GON4L: variants seen among roughly 807,000 people sequenced by gnomAD.
GON4L encodes the protein gon-4 like.
GON4L carries 87 observed loss-of-function variants against 211.8 expected under a neutral mutation model. That is an observed-to-expected ratio of 0.41 (90% CI 0.35 to 0.49). The LOEUF (loss-of-function observed/expected upper bound fraction) is 0.49. GON4L is among the 20% of genes least tolerant of loss of function. The pLI is 0.15. For missense variants in GON4L, 2,155 were observed against 2,659.5 expected, an observed-to-expected ratio of 0.81 and a Z score of 4.17; for synonymous variants, 875 against 962.6, an observed-to-expected ratio of 0.91 and a Z score of 1.68.
chr1:155,788,722 A>C (rs1665203865), intron 12 of GON4L, among the ~76,000 whole-genome samples: 1 of 152,198 alleles, frequency 6.6e-6, no homozygotes, highest in African/African-American at 2.4e-5. Context: ...GAGTGAAAGA[A>C]GCCTTACACA....
rs779275201 is a variant in GON4L at position 155,773,048 on chromosome 1, C to G, written c.2495+18G>C. 1.9e-6 allele frequency: 3 copies of G among 1,611,702 alleles called. No individual in the cohort carries two copies. The highest frequency in any genetic ancestry group is 2.5e-6 in the Non-Finnish European group (3 of 1,179,668). ...TTGGGATGTTCTGCTGTTTTGATCC[C>G]CCAGAGTAAACACTTACTTGTCCTC... On this transcript the variant is annotated intron_variant, in intron 18 of 31. Coordinates refer to ENST00000368331, the MANE Select transcript of GON4L (RefSeq NM_001282860.2).
At chr1:155,758,201 T>C (rs1003003911) in intron 24 of GON4L, among the ~76,000 whole-genome samples, 167 bp from the exon 25 acceptor site, 2 of 151,366 alleles carry the variant, frequency 1.3e-5, no homozygotes, top group Non-Finnish European at 1.5e-5. Context: ...CTAACCTCCA[T>C]CCACCTTGGG....
intron 2 of GON4L, among the ~76,000 whole-genome samples, chr1:155,843,233 TG>T (rs1670942014): frequency 6.6e-6 from 1 of 152,176 alleles, no homozygotes; most frequent in Non-Finnish European, 1.5e-5. Context: ...CGCTGTGGAA[TG>T]GGAACAAAAC....
chr1:155,769,901 T>C (rs1356812069), intron 19 of GON4L, among the ~76,000 whole-genome samples: 1 of 151,716 alleles, frequency 6.6e-6, no homozygotes, highest in Non-Finnish European at 1.5e-5. Flanking sequence ...TTATGGTTAA[T>C]GGTTAATAAA....
chr1:155,824,184 A>G (rs1373873974), intron 3 of GON4L, among the ~76,000 whole-genome samples: 1 of 151,888 alleles, frequency 6.6e-6, no homozygotes, highest in African/African-American at 2.4e-5. Flanking sequence ...GCACTTTGGG[A>G]AGCCAAGGCG....
intron 28 of GON4L, 110 bp from the exon 29 acceptor site, chr1:155,753,524 A>G: frequency 1.3e-6 from 1 of 755,824 alleles, no homozygotes; most frequent in Non-Finnish European, 2.3e-6. Context: ...ACCCACATGC[A>G]TGTCTGCTCC....
chr1:155,822,617 T>C (rs975273028), intron 3 of GON4L, 141 bp from the exon 4 acceptor site: 6 of 706,920 alleles, frequency 8.5e-6, no homozygotes, highest in East Asian at 2.6e-5. Context: ...ACATATTATA[T>C]GACGGTATAA....
chr1:155,812,651 G>A (rs1432375190), intron 10 of GON4L, among the ~76,000 whole-genome samples: 3 of 151,996 alleles, frequency 2.0e-5, no homozygotes, highest in South Asian at 2.1e-4. Context: ...TGCCTCCCGG[G>A]TTCAAGCGAT....
Position 155,806,751 on chromosome 1 carries a change from T to C in GON4L, c.1453-1610A>G, listed in dbSNP as rs1667164498. On this transcript the variant is annotated intron_variant, in intron 10 of 31. Transcript: ENST00000368331. ...TCCCATTGTATAGATATACCACTTT[T>C]GTTTATCCAATTATCTGTTGATGGA... 2.0e-5 allele frequency among the ~76,000 whole-genome samples: 3 copies of C among 152,166 alleles called. No individual in the cohort carries two copies. The East Asian group carries it at 5.8e-4, about 29-fold the overall frequency.
intron 11 of GON4L, among the ~76,000 whole-genome samples, chr1:155,798,317 A>G (rs1183585170): frequency 6.6e-6 from 1 of 150,540 alleles, no homozygotes; most frequent in Non-Finnish European, 1.5e-5. Context: ...ACTTATCAGT[A>G]CAGATTCTTT....
intron 12 of GON4L, among the ~76,000 whole-genome samples, chr1:155,788,799 A>C (rs1321852591): frequency 6.6e-6 from 1 of 152,092 alleles, no homozygotes; most frequent in African/African-American, 2.4e-5. Context: ...CCTGTGATTA[A>C]GAAAAAAAAA....
At chr1:155,806,419 C>T (rs544640815) in intron 10 of GON4L, among the ~76,000 whole-genome samples, 55 of 151,992 alleles carry the variant, frequency 3.6e-4, no homozygotes, top group East Asian at 1.5e-3. Context: ...TGGGATTACA[C>T]GTGTGAGCCA....
At chr1:155,789,346 G>C (rs1441687851) in intron 12 of GON4L, among the ~76,000 whole-genome samples, 1 of 152,062 alleles carries the variant, frequency 6.6e-6, no homozygotes, top group Non-Finnish European at 1.5e-5. Context: ...TGCTGAAGTG[G>C]TTAAAAGTGA....
intron 10 of GON4L, 120 bp downstream of exon 10, chr1:155,813,514 T>A (rs1280745277): frequency 8.9e-6 from 7 of 785,346 alleles, no homozygotes; most frequent in Middle Eastern, 3.5e-4. Flanking sequence ...ATACAAAGTA[T>A]CAAAGACTAA....
chr1:155,821,289 T>A (rs1001363200), intron 5 of GON4L, among the ~76,000 whole-genome samples, 185 bp downstream of exon 5: 2 of 150,894 alleles, frequency 1.3e-5, no homozygotes, highest in Non-Finnish European at 3.0e-5. Flanking sequence ...AATAATAAAA[T>A]AATAATAATA....
intron 23 of GON4L, 94 bp from the exon 24 acceptor site, chr1:155,760,735 G>A: frequency 1.2e-6 from 1 of 807,412 alleles, no homozygotes. Context: ...TGGTTAGAGA[G>A]CTCCAAGAAT....
intron 14 of GON4L, among the ~76,000 whole-genome samples, chr1:155,781,263 C>T (rs986502164): frequency 2.6e-5 from 4 of 151,816 alleles, no homozygotes; most frequent in African/African-American, 9.7e-5. Context: ...CTTCCTCAGC[C>T]TCCCAAGTAG....
At chr1:155,760,750 C>A in intron 23 of GON4L, 109 bp from the exon 24 acceptor site, 1 of 724,068 alleles carries the variant, frequency 1.4e-6, no homozygotes, top group Non-Finnish European at 2.4e-6. Flanking sequence ...AAGAATTATC[C>A]ATCAGAGGCT....
At chr1:155,794,829 C>G (rs976359487) in intron 12 of GON4L, among the ~76,000 whole-genome samples, 2 of 152,144 alleles carry the variant, frequency 1.3e-5, no homozygotes, top group Admixed American at 6.6e-5. Flanking sequence ...CCCTGCCAAA[C>G]AGTAAGGACT....
Sources: gnomAD v4.1 joint callset for allele counts (sites outside exome capture counted in the v4.1 genomes callset) on GRCh38, gnomAD v4.1.1 for gene constraint, MANE v1.5 for transcripts, NCBI Gene and HGNC (gene_info 2026-07-23, HGNC 2026-07-21) for gene names.